Variants in INPP4A observed in about 807,000 individuals in gnomAD.
The protein encoded by INPP4A is inositol polyphosphate-4-phosphatase type I A, also known as inositol polyphosphate-4-phosphatase, type I, 107kD.
Under a neutral mutation model 119.8 loss-of-function variants are expected in INPP4A, and 33 were observed. That is an observed-to-expected ratio of 0.28 (90% CI 0.21 to 0.37). INPP4A has a LOEUF of 0.37. INPP4A is among the 10% of genes least tolerant of loss of function. INPP4A has a pLI of 1.00. For synonymous variants in INPP4A, 496 were observed against 500.7 expected (o/e 0.99, Z 0.12); for missense variants, 956 against 1,289.9 (o/e 0.74, Z 3.97).
At chr2:98,485,059 T>C (rs1679268608) in intron 1 of INPP4A, among the ~76,000 whole-genome samples, 1 of 151,820 alleles carries the variant, frequency 6.6e-6, no homozygotes, top group African/African-American at 2.4e-5. Context: ...TGTGTGTGTG[T>C]CCTGGTAGCT....
At chr2:98,517,152 G>A (rs776444012) in intron 1 of INPP4A, among the ~76,000 whole-genome samples, 15 of 152,184 alleles carry the variant, frequency 9.9e-5, no homozygotes, top group South Asian at 2.1e-4. Context: ...CCACAGATTC[G>A]TTTGGCCTGT....
At position 98,460,100 on chromosome 2, in the gene INPP4A, C is replaced by CGTGTGTGTGTGTGTGTGTGTGTGT. The variant is rs3066275; in HGVS notation, c.-166+15024_-166+15047dup. Among the ~76,000 whole-genome samples, 56 of 147,100 alleles carry CGTGTGTGTGTGTGTGTGTGTGTGT rather than the reference C, an allele frequency of 3.8e-4. 2 individuals carry two copies. Among genetic ancestry groups the CGTGTGTGTGTGTGTGTGTGTGTGT allele is most frequent in the African/African-American group, 1.4e-3 (56 of 39,754 alleles). ...GTGCCACACCTTTGGGTTTGGTCAT[C>CGTGTGTGTGTGTGTGTGTGTGTGT]GTGTGTGTGTGTGTGTGTGTGTGTG... is the stretch of plus-strand genomic sequence containing the variant. On this transcript the variant is annotated intron_variant, in intron 1 of 24. Coordinates refer to ENST00000409851, the MANE Select transcript of INPP4A (RefSeq NM_001134225.2).
At position 98,589,673 on chromosome 2, in the gene INPP4A, G is replaced by A. The variant is rs867246988; in HGVS notation, c.*2065G>A. 2.1e-4 allele frequency: 37 copies of A among 180,412 alleles called. No individual in the cohort carries two copies. The highest frequency in any genetic ancestry group is 8.8e-4 in the Admixed American group (14 of 15,908). 11.2% of individuals were successfully genotyped at this position (180,412 alleles called of 1,614,324 possible). A position where few individuals can be genotyped will look rare whatever the true frequency, so the allele number is the denominator to read the frequency against. On this transcript the variant is annotated 3_prime_UTR_variant, in exon 25 of 25. Transcript: ENST00000409851. ...CTGAAGGCATCATTCCTGGGCTTCC[G>A]GCAGCATCACACGCTTCCAGTGCCT...
intron 1 of INPP4A, among the ~76,000 whole-genome samples, chr2:98,454,914 T>C (rs370129255): frequency 6.6e-6 from 1 of 152,248 alleles, no homozygotes; most frequent in African/African-American, 2.4e-5. Context: ...TTCACATTTC[T>C]TATTCATTCT....
intron 4 of INPP4A, among the ~76,000 whole-genome samples, chr2:98,522,995 G>A (rs569064460): frequency 1.7e-4 from 26 of 152,284 alleles, no homozygotes; most frequent in African/African-American, 5.5e-4. Flanking sequence ...TTCTTTCTCC[G>A]GAAGCTAGTG....
At chr2:98,498,575 A>C (rs1682509691) in intron 1 of INPP4A, among the ~76,000 whole-genome samples, 1 of 151,934 alleles carries the variant, frequency 6.6e-6, no homozygotes, top group Non-Finnish European at 1.5e-5. Flanking sequence ...TCACCAATTC[A>C]GGTGCTGGAT....
At chr2:98,573,292 A>G (rs1003532131) in intron 23 of INPP4A, among the ~76,000 whole-genome samples, 2 of 152,132 alleles carry the variant, frequency 1.3e-5, no homozygotes, top group African/African-American at 4.8e-5. Context: ...TCTTTAAACC[A>G]TCTTTATCGT....
At chr2:98,581,823 G>A (rs1166699997) in intron 24 of INPP4A, 27 of 1,539,344 alleles carry the variant, frequency 1.8e-5, no homozygotes, top group Admixed American at 4.2e-5. Flanking sequence ...CAGCCACCGT[G>A]TACCTAACTG....
chr2:98,566,132 A>G lies in INPP4A; in HGVS notation c.2383A>G (p.Asn795Asp). ...GCTGCGAGTGCAGCCCGTCCTCTTC[A>G]ACGTGGGCATCAATGAGCAGCAGAC... ...MLLRVQPVLF[N>D]VGINEQQTLA... The change falls in exon 21 of 25, where the codon AAC (asparagine) becomes GAC (aspartate). Residue 795 changes from asparagine to aspartate, a missense_variant. Coordinates refer to ENST00000409851, the MANE Select transcript of INPP4A (RefSeq NM_001134225.2). This position sits in a 1 kb window ranked among gnomAD's most constrained non-coding sequence, Gnocchi z 4.2. The G allele has an allele frequency of 6.3e-7, 1 of 1,598,774 alleles. No homozygotes were observed. The highest frequency in any genetic ancestry group is 8.5e-7 in the Non-Finnish European group (1 of 1,172,392).
At chr2:98,548,579 C>G (rs1373600190) in intron 13 of INPP4A, among the ~76,000 whole-genome samples, 1 of 152,200 alleles carries the variant, frequency 6.6e-6, no homozygotes, top group East Asian at 1.9e-4. Flanking sequence ...CCTGATAACT[C>G]TGCATGTTAA....
intron 10 of INPP4A, among the ~76,000 whole-genome samples, chr2:98,540,798 G>A (rs191820995): frequency 1.3e-5 from 2 of 152,094 alleles, no homozygotes; most frequent in African/African-American, 2.4e-5. Flanking sequence ...TCATGACCTC[G>A]TCATCTCTTA....
At position 98,587,601 on chromosome 2, in the gene INPP4A, A is replaced by C; in HGVS notation, c.2912A>C (p.Glu971Ala). 1 of 1,600,320 alleles carries C rather than the reference A, an allele frequency of 6.2e-7. No homozygotes were observed. Among genetic ancestry groups the C allele is most frequent in the Non-Finnish European group, 8.5e-7 (1 of 1,176,026 alleles). ...RPPEGTYGKVET is the reference protein window; with the variant it reads ...RPPEGTYGKVAT ...CCCGAAGGGACTTACGGAAAAGTTG[A>C]AACGTGAACACACGGTTTCCTCTAA... is the stretch of plus-strand genomic sequence containing the variant. The change falls in exon 25 of 25, where the codon GAA becomes GCA. Residue 971 changes from glutamate to alanine, a missense_variant. By Grantham distance (107) the Glu-to-Ala change is moderately radical (BLOSUM62 -1). Transcript: ENST00000409851.
intron 1 of INPP4A, among the ~76,000 whole-genome samples, chr2:98,501,601 G>C (rs1442496737): frequency 6.6e-6 from 1 of 152,142 alleles, no homozygotes; most frequent in South Asian, 2.1e-4. Flanking sequence ...CCTATGGTGG[G>C]GCAGGCCTTG....
At chr2:98,471,192 G>C (rs1024015486) in intron 1 of INPP4A, among the ~76,000 whole-genome samples, 1 of 152,200 alleles carries the variant, frequency 6.6e-6, no homozygotes, top group Non-Finnish European at 1.5e-5. Flanking sequence ...GTGCATGCAT[G>C]TGTGTGTCTG....
rs1345363188 is a variant in INPP4A at position 98,564,630 on chromosome 2, G to A, written c.2029-10G>A. The A allele has an allele frequency of 1.2e-5, 19 of 1,612,822 alleles. No individual in the cohort carries two copies. Among genetic ancestry groups the A allele is most frequent in the Middle Eastern group, 3.7e-4 (2 of 5,458 alleles). ...CTGACCCTGAACCTCTTCACCCCAC[G>A]CTCCCACAGCTGACCGCCCTCATCT... On this transcript the variant is annotated splice_polypyrimidine_tract_variant and intron_variant, in intron 18 of 24. Coordinates refer to ENST00000409851, the MANE Select transcript of INPP4A (RefSeq NM_001134225.2).
At chr2:98,541,256 G>A (rs1449618192) in intron 10 of INPP4A, among the ~76,000 whole-genome samples, 3 of 151,940 alleles carry the variant, frequency 2.0e-5, no homozygotes, top group Admixed American at 2.0e-4. Context: ...GAACCCAGGA[G>A]GCGGAGCTTG....
intron 1 of INPP4A, among the ~76,000 whole-genome samples, chr2:98,473,929 T>G (rs1225312824): frequency 6.6e-6 from 1 of 152,196 alleles, no homozygotes; most frequent in Non-Finnish European, 1.5e-5. Context: ...TTGGTCTCAT[T>G]CAAAAATTAC....
intron 1 of INPP4A, among the ~76,000 whole-genome samples, chr2:98,500,424 A>C (rs554751335): frequency 3.5e-4 from 53 of 152,308 alleles, no homozygotes; most frequent in African/African-American, 1.2e-3. Flanking sequence ...ATTGTCTCCC[A>C]AAGGGCATGT....
At chr2:98,564,166 A>G (rs1266369930) in intron 18 of INPP4A, among the ~76,000 whole-genome samples, 2 of 152,184 alleles carry the variant, frequency 1.3e-5, no homozygotes, top group Non-Finnish European at 2.9e-5. Flanking sequence ...CTGGTTCTCT[A>G]CAGGTTCCCT....
Sources: allele counts gnomAD v4.1 joint callset (sites outside exome capture counted in the v4.1 genomes callset), GRCh38; gene constraint gnomAD v4.1.1; non-coding constraint Gnocchi (gnomAD v3.1); transcripts MANE v1.5; gene names NCBI Gene and HGNC (gene_info 2026-07-23, HGNC 2026-07-21).